THSD7B: variants seen among roughly 807,000 people sequenced by gnomAD.
THSD7B encodes thrombospondin type-1 domain-containing protein 7B.
In THSD7B, 138 loss-of-function variants were observed where a neutral mutation model predicts 213.6. That is an observed-to-expected ratio of 0.65 (90% confidence interval 0.56 to 0.74). The LOEUF (loss-of-function observed/expected upper bound fraction) is 0.74. Ranked by LOEUF, THSD7B falls within the 30% of genes least tolerant of loss-of-function variation. THSD7B has a pLI of 0.00. For synonymous variants in THSD7B, 742 were observed against 687.0 expected (o/e 1.08, Z -1.25); for missense variants, 1,931 against 1,991.5 (o/e 0.97, Z 0.58).
chr2:136,780,421 A>G (rs1384034687), intron 1 of THSD7B, among the ~76,000 whole-genome samples: 1 of 152,152 alleles, frequency 6.6e-6, no homozygotes, highest in African/African-American at 2.4e-5. Context: ...AGTTCAACAT[A>G]TGAATGTTGG....
chr2:136,807,530 C>T (rs1453634654), intron 1 of THSD7B, among the ~76,000 whole-genome samples: 6 of 17,048 alleles, frequency 3.5e-4, no homozygotes, highest in South Asian at 2.3e-3. Flanking sequence ...TTTTTTGAGA[C>T]GGAGTCTTGC....
At chr2:136,802,804 T>C (rs886873049) in intron 1 of THSD7B, among the ~76,000 whole-genome samples, 10 of 150,742 alleles carry the variant, frequency 6.6e-5, no homozygotes, top group African/African-American at 9.7e-5. Flanking sequence ...AACAGAATGG[T>C]TTAGAAATGT....
intron 5 of THSD7B, among the ~76,000 whole-genome samples, chr2:137,123,995 A>C (rs754251569): frequency 1.2e-4 from 19 of 152,192 alleles, no homozygotes; most frequent in Non-Finnish European, 2.5e-4. Flanking sequence ...AACCCCCTGC[A>C]TATAGTCTTA....
At chr2:137,601,939 T>A (rs1682082481) in intron 17 of THSD7B, among the ~76,000 whole-genome samples, 1 of 152,218 alleles carries the variant, frequency 6.6e-6, no homozygotes, top group Non-Finnish European at 1.5e-5. Flanking sequence ...TTCAATCTGA[T>A]GAAAATCTGT....
intron 5 of THSD7B, among the ~76,000 whole-genome samples, chr2:137,143,461 A>C (rs1424323725): frequency 1.3e-5 from 2 of 152,138 alleles, no homozygotes; most frequent in Non-Finnish European, 2.9e-5. Context: ...CAACAGTTTT[A>C]TTCCAATTAC....
At chr2:136,948,122 T>A (rs1358006682) in intron 2 of THSD7B, among the ~76,000 whole-genome samples, 1 of 152,192 alleles carries the variant, frequency 6.6e-6, no homozygotes, top group Non-Finnish European at 1.5e-5. Context: ...TATGTTTTTT[T>A]TTAAATGACT....
intron 12 of THSD7B, among the ~76,000 whole-genome samples, chr2:137,370,034 T>C (rs1192088393): frequency 1.3e-5 from 2 of 152,160 alleles, no homozygotes; most frequent in Non-Finnish European, 2.9e-5. Flanking sequence ...AGATAAATAA[T>C]AGGTGGACTA....
intron 10 of THSD7B, among the ~76,000 whole-genome samples, chr2:137,265,726 T>C (rs1243327035): frequency 6.6e-6 from 1 of 152,202 alleles, no homozygotes; most frequent in African/African-American, 2.4e-5. Context: ...GAATGAGAAA[T>C]AAAATGTACA....
intron 12 of THSD7B, among the ~76,000 whole-genome samples, chr2:137,379,998 G>T (rs559733533): frequency 6.6e-6 from 1 of 152,182 alleles, no homozygotes; most frequent in African/African-American, 2.4e-5. Context: ...CAATACCAAT[G>T]CATGTCCTAA....
intron 15 of THSD7B, among the ~76,000 whole-genome samples, chr2:137,556,779 G>A (rs886429834): frequency 1.3e-5 from 2 of 152,172 alleles, no homozygotes; most frequent in Admixed American, 6.5e-5. Flanking sequence ...CCATCAGTGT[G>A]CTGTATTCAG....
At chr2:137,373,032 C>CT (rs1394963680) in intron 12 of THSD7B, among the ~76,000 whole-genome samples, 3 of 151,752 alleles carry the variant, frequency 2.0e-5, no homozygotes, top group Admixed American at 6.6e-5. Context: ...TGAACTCATC[C>CT]TTTTTTATGG....
intron 1 of THSD7B, among the ~76,000 whole-genome samples, chr2:136,814,725 CT>C (rs945939968): frequency 7.9e-5 from 12 of 152,100 alleles, no homozygotes; most frequent in Admixed American, 6.5e-5. Flanking sequence ...GCAAAGAAAT[CT>C]TTAGGGAAGA....
intron 19 of THSD7B, among the ~76,000 whole-genome samples, chr2:137,620,123 G>A (rs183608472): frequency 1.8e-3 from 269 of 152,298 alleles, no homozygotes; most frequent in African/African-American, 5.9e-3. Context: ...TTGACCCATC[G>A]TTACGACCAT....
rs544627662 is a variant in THSD7B at position 137,582,872 on chromosome 2, G to A, written c.3423+10316G>A. Among the ~76,000 whole-genome samples, 221 of 152,184 alleles carry A rather than the reference G, an allele frequency of 1.5e-3. 1 individual carries two copies. Among genetic ancestry groups the A allele is most frequent in the African/African-American group, 4.9e-3 (202 of 41,518 alleles). On this transcript the variant is annotated intron_variant, in intron 17 of 27. Coordinates refer to ENST00000409968, the MANE Select transcript of THSD7B (RefSeq NM_001316349.2). ...GTATACCCAGTAATGGGATGGCTGG[G>A]TCAAACTGTATTTCTAGTTCTAGAT...
chr2:136,941,886 A>G (rs1684834866), intron 2 of THSD7B, among the ~76,000 whole-genome samples: 1 of 152,108 alleles, frequency 6.6e-6, no homozygotes. Flanking sequence ...TTTTGTTGCC[A>G]TTGCTTTTGG....
intron 1 of THSD7B, among the ~76,000 whole-genome samples, chr2:136,855,434 TC>T (rs1381278145): frequency 2.6e-5 from 4 of 151,810 alleles, no homozygotes; most frequent in African/African-American, 9.7e-5. Flanking sequence ...TTCTTCTCTC[TC>T]TTTTTTTTGA....
At chr2:137,305,844 C>T (rs993186601) in intron 12 of THSD7B, among the ~76,000 whole-genome samples, 2 of 152,064 alleles carry the variant, frequency 1.3e-5, no homozygotes, top group Non-Finnish European at 2.9e-5. Flanking sequence ...GATAGGATAG[C>T]CTACTATACA....
At chr2:137,367,494 A>C (rs1573987556) in intron 12 of THSD7B, among the ~76,000 whole-genome samples, 2 of 152,306 alleles carry the variant, frequency 1.3e-5, no homozygotes, top group African/African-American at 4.8e-5. Flanking sequence ...ACACAAAACA[A>C]AGCAAGTCTG....
intron 5 of THSD7B, among the ~76,000 whole-genome samples, chr2:137,131,758 T>G (rs1171115816): frequency 1.3e-5 from 2 of 152,252 alleles, no homozygotes; most frequent in Non-Finnish European, 2.9e-5. Context: ...TTGGTACCAG[T>G]ACCATGCTGT....
Sources: gnomAD v4.1 joint callset for allele counts (sites outside exome capture counted in the v4.1 genomes callset) on GRCh38, gnomAD v4.1.1 for gene constraint, MANE v1.5 for transcripts, NCBI Gene and HGNC (gene_info 2026-07-23, HGNC 2026-07-21) for gene names.